Variants in CNTN5 observed in about 807,000 individuals in gnomAD.
CNTN5 encodes contactin 5, also known as contactin-5.
In CNTN5, 77 loss-of-function variants were observed where a neutral mutation model predicts 129.1. That is an observed-to-expected ratio of 0.60 (90% CI 0.50 to 0.72). The LOEUF (loss-of-function observed/expected upper bound fraction) is 0.72. Ranked by LOEUF, CNTN5 falls within the 30% of genes least tolerant of loss-of-function variation. CNTN5 has a pLI of 0.00. For missense variants in CNTN5, 1,478 were observed against 1,328.8 expected, an observed-to-expected ratio of 1.11 and a Z score of -1.75; for synonymous variants, 509 against 465.6, an observed-to-expected ratio of 1.09 and a Z score of -1.20.
rs543533930 is a variant in CNTN5 at position 99,965,703 on chromosome 11, C to T, written c.877+8694C>T. 6.4e-4 allele frequency among the ~76,000 whole-genome samples: 97 copies of T among 152,114 alleles called. 1 individual carries two copies. The South Asian group carries it at 0.02, about 31-fold the overall frequency. On this transcript the variant is annotated intron_variant, in intron 8 of 24. Transcript: ENST00000524871. ...GCTTGGTGCAGAGCTGAGTTCAATT[C>T]CTGGATATCCTTGTTAACTTTCTGT...
intron 3 of CNTN5, among the ~76,000 whole-genome samples, chr11:99,580,734 A>G (rs1949551945): frequency 1.4e-5 from 2 of 147,944 alleles, no homozygotes; most frequent in African/African-American, 2.5e-5. Flanking sequence ...CTTCTTTATT[A>G]GTCTTGCTAA....
At chr11:100,333,852 A>C (rs2138995102) in intron 21 of CNTN5, among the ~76,000 whole-genome samples, 1 of 152,274 alleles carries the variant, frequency 6.6e-6, no homozygotes, top group East Asian at 1.9e-4. Context: ...CCTCAGAAAA[A>C]CCCTTCTAGA....
chr11:99,724,755 A>C (rs1312227893), intron 3 of CNTN5, among the ~76,000 whole-genome samples: 1 of 150,302 alleles, frequency 6.7e-6, no homozygotes, highest in Non-Finnish European at 1.5e-5. Context: ...AGTATCTGAC[A>C]AAAAAAAATT....
intron 3 of CNTN5, among the ~76,000 whole-genome samples, chr11:99,612,117 T>C (rs575046096): frequency 1.3e-5 from 2 of 152,328 alleles, no homozygotes; most frequent in African/African-American, 4.8e-5. Flanking sequence ...GTCTTTATAC[T>C]AACTCTGTGA....
At chr11:99,766,894 C>T (rs528841354) in intron 3 of CNTN5, among the ~76,000 whole-genome samples, 17 of 151,988 alleles carry the variant, frequency 1.1e-4, no homozygotes, top group African/African-American at 3.1e-4. Flanking sequence ...CAGATTACAA[C>T]GATATCAGCT....
At chr11:99,452,115 A>C (rs1370514206) in intron 2 of CNTN5, among the ~76,000 whole-genome samples, 1 of 152,180 alleles carries the variant, frequency 6.6e-6, no homozygotes, top group East Asian at 1.9e-4. Flanking sequence ...AATTCCTTGA[A>C]TTTCAAATGA....
intron 3 of CNTN5, among the ~76,000 whole-genome samples, chr11:99,636,253 G>C (rs1565373309): frequency 6.6e-6 from 1 of 152,080 alleles, no homozygotes; most frequent in Non-Finnish European, 1.5e-5. Context: ...GGGGGAGATT[G>C]GGTGGCCTAG....
intron 1 of CNTN5, among the ~76,000 whole-genome samples, chr11:99,060,700 A>G (rs1864838566): frequency 6.6e-6 from 1 of 152,136 alleles, no homozygotes; most frequent in South Asian, 2.1e-4. Flanking sequence ...ATCATTTTGC[A>G]TTGAATTTGA....
At chr11:100,187,610 G>A (rs1948341156) in intron 13 of CNTN5, among the ~76,000 whole-genome samples, 1 of 151,784 alleles carries the variant, frequency 6.6e-6, no homozygotes, top group Non-Finnish European at 1.5e-5. Context: ...TAGACCAATG[G>A]GACTGAATAG....
chr11:99,373,108 G>C (rs1009330039), intron 2 of CNTN5, among the ~76,000 whole-genome samples: 2 of 152,072 alleles, frequency 1.3e-5, no homozygotes, highest in African/African-American at 4.8e-5. Context: ...ACTCAGGAGG[G>C]TGAGGCAGGA....
chr11:99,752,218 T>C (rs1209971690), intron 3 of CNTN5, among the ~76,000 whole-genome samples: 1 of 152,154 alleles, frequency 6.6e-6, no homozygotes, highest in Non-Finnish European at 1.5e-5. Context: ...AATGACAGCC[T>C]TTATTGAGGA....
intron 3 of CNTN5, among the ~76,000 whole-genome samples, chr11:99,683,099 C>T (rs1055639415): frequency 6.6e-6 from 1 of 151,826 alleles, no homozygotes; most frequent in Admixed American, 6.6e-5. Flanking sequence ...ATCTATATGA[C>T]TACATGACTA....
intron 2 of CNTN5, among the ~76,000 whole-genome samples, chr11:99,486,772 T>C (rs1191316601): frequency 6.6e-6 from 1 of 152,186 alleles, no homozygotes; most frequent in African/African-American, 2.4e-5. Flanking sequence ...TGATCAATAT[T>C]GGCTTTTGAA....
At chr11:99,081,085 C>T (rs1394906946) in intron 1 of CNTN5, among the ~76,000 whole-genome samples, 4 of 150,912 alleles carry the variant, frequency 2.7e-5, no homozygotes, top group Non-Finnish European at 5.9e-5. Context: ...TATGCAGCCC[C>T]CTGAAATATA....
intron 3 of CNTN5, among the ~76,000 whole-genome samples, chr11:99,751,772 A>G (rs1258991483): frequency 6.6e-6 from 1 of 152,202 alleles, no homozygotes; most frequent in Non-Finnish European, 1.5e-5. Context: ...TTGCCTTCAA[A>G]CTTCATGTTG....
intron 1 of CNTN5, among the ~76,000 whole-genome samples, chr11:99,261,835 C>T (rs1475167205): frequency 6.6e-6 from 1 of 151,918 alleles, no homozygotes; most frequent in Non-Finnish European, 1.5e-5. Context: ...ACTTTCAGTA[C>T]AATCTGATTG....
chr11:100,102,950 A>G (rs1289027376), intron 13 of CNTN5, among the ~76,000 whole-genome samples: 2 of 152,132 alleles, frequency 1.3e-5, no homozygotes, highest in African/African-American at 4.8e-5. Context: ...CTCACCCAAT[A>G]TGAGAATTCC....
In CNTN5 at chr11:100,193,653, G is replaced by T. The variant is rs1404717190; in HGVS notation, c.1874G>T (p.Ser625Ile). The part of the protein sequence containing the change: ...DFEEEGGHFE[S>I]IRAQASSADL... ...GAGGAAGAGGGTGGACATTTTGAAA[G>T]CATCAGGGCCGTAAGTGAATACACT... The change falls in exon 15 of 25, where the codon AGC becomes ATC. Residue 625 changes from serine to isoleucine, a missense_variant. Coordinates refer to ENST00000524871, the MANE Select transcript of CNTN5 (RefSeq NM_014361.4). 2 of 1,609,748 alleles carry T rather than the reference G, an allele frequency of 1.2e-6. No homozygotes were observed. Among genetic ancestry groups the T allele is most frequent in the South Asian group, 1.1e-5 (1 of 90,464 alleles).
At chr11:100,330,548 CGAAGGAAATTTTAAGAGCTGT>C (rs1295189188) in intron 21 of CNTN5, among the ~76,000 whole-genome samples, 2 of 151,964 alleles carry the variant, frequency 1.3e-5, no homozygotes, top group Non-Finnish European at 2.9e-5. Context: ...AAAGTCAAGA[CGAAGGAAATTTTAAGAGCTGT>C]GAGGCAAAAG....
Sources: gnomAD v4.1 joint callset for allele counts (sites outside exome capture counted in the v4.1 genomes callset) on GRCh38, gnomAD v4.1.1 for gene constraint, MANE v1.5 for transcripts, NCBI Gene and HGNC (gene_info 2026-07-23, HGNC 2026-07-21) for gene names.